HIVEP2: variants seen among roughly 807,000 people sequenced by gnomAD.
The protein encoded by HIVEP2 is transcription factor HIVEP2.
In HIVEP2, 14 loss-of-function variants were observed where a neutral mutation model predicts 180.7. The observed-to-expected ratio is 0.08, with a 90% confidence interval of 0.05 to 0.12. The LOEUF (loss-of-function observed/expected upper bound fraction) is 0.12, where lower values mean the gene tolerates loss of function less well. HIVEP2 is among the 10% of genes least tolerant of loss of function. HIVEP2 has a pLI of 1.00. For synonymous variants in HIVEP2, 1,184 were observed against 1,136.4 expected (o/e 1.04, Z -0.84); for missense variants, 2,579 against 3,008.5 (o/e 0.86, Z 3.34).
At chr6:142,788,563 A>AT (rs1776063184) in intron 2 of HIVEP2, 1 of 152,162 alleles carries the variant, frequency 6.6e-6, no homozygotes, top group East Asian at 1.9e-4. Context: ...AAATACAAAA[A>AT]TTAGCCGGGT....
At chr6:142,776,767 A>C (rs1471328091) in intron 3 of HIVEP2, among the ~76,000 whole-genome samples, 1 of 152,186 alleles carries the variant, frequency 6.6e-6, no homozygotes, top group African/African-American at 2.4e-5. Context: ...TCCTGGGCTC[A>C]AGCAATCTGC....
In HIVEP2 at chr6:142,859,470, A is replaced by AAAAG. The variant is rs752879933; in HGVS notation, c.-640-22427_-640-22424dup. Among the ~76,000 whole-genome samples the AAAAG allele has an allele frequency of 3.3e-5, 5 of 151,792 alleles. No homozygotes were observed. The East Asian group carries it at 5.8e-4, about 18-fold the overall frequency. On this transcript the variant is annotated intron_variant, in intron 1 of 9. Coordinates refer to ENST00000367603, the MANE Select transcript of HIVEP2 (RefSeq NM_006734.4). ...AGCAAGACCCAGTCTCAAAAAAAAA[A>AAAAG]AAAGAAAGAAAGAAAGAAAAGAATC...
chr6:142,936,224 A>T (rs532493220), intron 1 of HIVEP2, among the ~76,000 whole-genome samples: 193 of 150,876 alleles, frequency 1.3e-3, no homozygotes, highest in African/African-American at 4.6e-3. Context: ...ATGGAGTCTC[A>T]CTCTGTCAGA....
At chr6:142,910,345 G>T (rs868847068) in intron 1 of HIVEP2, among the ~76,000 whole-genome samples, 2 of 152,232 alleles carry the variant, frequency 1.3e-5, no homozygotes, top group Non-Finnish European at 1.5e-5. Flanking sequence ...GCTTGCGCCT[G>T]TAATCCCAGC....
chr6:142,852,416 G>A (rs1250746348), intron 1 of HIVEP2, among the ~76,000 whole-genome samples: 1 of 151,920 alleles, frequency 6.6e-6, no homozygotes, highest in Non-Finnish European at 1.5e-5. Context: ...TGGAGCTCAG[G>A]GGCTAGTGAA....
At chr6:142,756,097 A>C (rs1367173936) in intron 9 of HIVEP2, among the ~76,000 whole-genome samples, 10 of 152,264 alleles carry the variant, frequency 6.6e-5, no homozygotes, top group Admixed American at 1.3e-4. Context: ...GTGCATATGT[A>C]TGTATAGACA....
At chr6:142,938,549 T>C in intron 1 of HIVEP2, among the ~76,000 whole-genome samples, 1 of 152,256 alleles carries the variant, frequency 6.6e-6, no homozygotes, top group East Asian at 1.9e-4. Context: ...ATTCACGCTG[T>C]ATTTAAGTAG....
rs9496460 is a variant in HIVEP2, at chr6:142,764,662, G to A, written c.5518+137C>T. ...ATCCTTTGATCACTTACTTGAGGGAGAAAATATATTTCGTGGAATCATATT... is the reference window on the plus strand; with the variant it reads ...ATCCTTTGATCACTTACTTGAGGGAAAAAATATATTTCGTGGAATCATATT... On this transcript the variant is annotated intron_variant, in intron 7 of 9. Coordinates refer to ENST00000367603, the MANE Select transcript of HIVEP2 (RefSeq NM_006734.4). 12,778 of 719,436 alleles carry A rather than the reference G, an allele frequency of 0.018. 1,148 individuals carry two copies. In the African/African-American group the frequency reaches 0.2, roughly 11 times the overall value. 44.6% of individuals were successfully genotyped at this position (719,436 alleles called of 1,614,324 possible).
Position 142,774,906 on chromosome 6 carries a change from G to T in HIVEP2, c.-168C>A. The T allele has an allele frequency of 6.8e-7, 1 of 1,475,850 alleles. No homozygotes were observed. Among genetic ancestry groups the T allele is most frequent in the Non-Finnish European group, 8.9e-7 (1 of 1,121,648 alleles). 91.4% of individuals were successfully genotyped at this position (1,475,850 alleles called of 1,614,324 possible). A position where few individuals can be genotyped will look rare whatever the true frequency, so the allele number is the denominator to read the frequency against. Reference sequence around the variant, plus strand: ...AACCTTCCACACGCACACCACAGTCGATGGGCATTAGCTAGTAATGTCCTT... The same window carrying T: ...AACCTTCCACACGCACACCACAGTCTATGGGCATTAGCTAGTAATGTCCTT... On this transcript the variant is annotated 5_prime_UTR_variant, in exon 5 of 10. Transcript: ENST00000367603. This position sits in a 1 kb window ranked among gnomAD's most constrained non-coding sequence, Gnocchi z 5.1.
chr6:142,803,419 T>C (rs768010027), intron 2 of HIVEP2, among the ~76,000 whole-genome samples: 1 of 152,132 alleles, frequency 6.6e-6, no homozygotes, highest in Non-Finnish European at 1.5e-5. Flanking sequence ...ATATAATTAG[T>C]TGAAGAACAG....
At chr6:142,839,743 A>C (rs577436854) in intron 1 of HIVEP2, among the ~76,000 whole-genome samples, 1 of 152,248 alleles carries the variant, frequency 6.6e-6, no homozygotes, top group East Asian at 1.9e-4. Context: ...AGCCCTCTAG[A>C]GTAGCAACCA....
At chr6:142,857,794 G>T (rs1775861700) in intron 1 of HIVEP2, among the ~76,000 whole-genome samples, 1 of 152,192 alleles carries the variant, frequency 6.6e-6, no homozygotes, top group Non-Finnish European at 1.5e-5. Context: ...GGTCGGATTT[G>T]TTCTTTCCAC....
At chr6:142,941,440 CA>C (rs780390189) in intron 1 of HIVEP2, among the ~76,000 whole-genome samples, 6 of 152,156 alleles carry the variant, frequency 3.9e-5, no homozygotes, top group Admixed American at 3.9e-4. Flanking sequence ...ATACCAGGAA[CA>C]AAGAGAAAAT....
intron 1 of HIVEP2, among the ~76,000 whole-genome samples, chr6:142,940,099 C>T (rs1391945591): frequency 6.6e-5 from 10 of 152,120 alleles, no homozygotes; most frequent in Admixed American, 5.2e-4. Context: ...CAGCCCTTTG[C>T]TAGTTGTTTG....
At position 142,771,884 on chromosome 6, in the gene HIVEP2, C is replaced by T; in HGVS notation, c.2855G>A (p.Gly952Glu). Residue 952 changes from glycine to glutamate, a missense_variant, in exon 5 of 10, where the codon GGG (glycine) becomes GAG (glutamate). By Grantham distance (98) the Gly-to-Glu change is moderately conservative. Transcript: ENST00000367603. The surrounding 1 kb of genome is among the most constrained non-coding windows in gnomAD (Gnocchi z 5.4). ...GCCTGTGGATTCAAAGCTGGACTCC[C>T]CTGAGGAGTGCTCCATATCTGCAAG... is the stretch of plus-strand genomic sequence containing the variant. ...LRLADMEHSS[G>E]ESSFESTGTG... 6.2e-7 allele frequency: 1 copy of T among 1,614,184 alleles called. No individual in the cohort carries two copies. Among genetic ancestry groups the T allele is most frequent in the Middle Eastern group, 1.6e-4 (1 of 6,062 alleles).
intron 1 of HIVEP2, among the ~76,000 whole-genome samples, chr6:142,853,910 A>G (rs1459132867): frequency 6.6e-6 from 1 of 152,182 alleles, no homozygotes. Flanking sequence ...GGAGTGTCCT[A>G]GAATTGAGGG....
Position 142,773,272 on chromosome 6 carries a change from T to C in HIVEP2, c.1467A>G (p.Gln489=). The C allele has an allele frequency of 6.2e-7, 1 of 1,614,220 alleles. No homozygotes were observed. Among genetic ancestry groups the C allele is most frequent in the South Asian group, 1.1e-5 (1 of 91,088 alleles). Residue 489 remains glutamine (Q), a synonymous_variant, in exon 5 of 10, where the codon CAA becomes CAG. Coordinates refer to ENST00000367603, the MANE Select transcript of HIVEP2 (RefSeq NM_006734.4). ...IPSKGDVDPS[Q]TSMLKSTKFN... The stretch of plus-strand genomic sequence containing the variant: ...ACTTAGTGGATTTCAGCATGCTCGT[T>C]TGACTGGGGTCGACATCTCCCTTGC...
chr6:142,808,291 T>C (rs1776601741), intron 2 of HIVEP2, among the ~76,000 whole-genome samples: 1 of 151,974 alleles, frequency 6.6e-6, no homozygotes, highest in South Asian at 2.1e-4. Context: ...ACACAAGAAA[T>C]GCTCTGTAAA....
chr6:142,861,650 T>C (rs1775982105), intron 1 of HIVEP2, among the ~76,000 whole-genome samples: 1 of 152,218 alleles, frequency 6.6e-6, no homozygotes, highest in East Asian at 1.9e-4. Context: ...GTTTGGGCTT[T>C]CTTTCCAAAT....
Sources: gnomAD v4.1 joint callset for allele counts (sites outside exome capture counted in the v4.1 genomes callset) on GRCh38, gnomAD v4.1.1 for gene constraint, Gnocchi (gnomAD v3.1) non-coding constraint, MANE v1.5 for transcripts, NCBI Gene and HGNC (gene_info 2026-07-23, HGNC 2026-07-21) for gene names.